Variants in FYB1 observed in about 807,000 individuals in gnomAD.
The protein encoded by FYB1 is FYN binding protein 1.
A neutral mutation model predicts 94.1 loss-of-function variants in FYB1; 41 were observed. The observed-to-expected ratio is 0.44, with a 90% CI of 0.34 to 0.57. The LOEUF is 0.57. Among genes scored for constraint, FYB1 ranks in the 20% least tolerant of loss-of-function variants. The probability of loss-of-function intolerance (pLI) is 0.02; values close to 1 mark genes in which losing one functional copy is unlikely to be tolerated. For missense variants in FYB1, 1,050 were observed against 976.8 expected (o/e 1.07, Z -1.00); for synonymous variants, 367 against 353.2 (o/e 1.04, Z -0.44).
In FYB1 at chr5:39,154,398, G is replaced by T. The variant is rs191577285; in HGVS notation, c.1136-794C>A. Among the ~76,000 whole-genome samples, 3 of 152,060 alleles carry T rather than the reference G, an allele frequency of 2.0e-5. No individual in the cohort carries two copies. In the East Asian group the frequency reaches 5.8e-4, roughly 29 times the overall value. Reference sequence around the variant, plus strand: ...ATTTTAATTTCTTTCTCATTTTGGGGTGATTTTCTGAGAGGAAAAGAGGAT... The same window carrying T: ...ATTTTAATTTCTTTCTCATTTTGGGTTGATTTTCTGAGAGGAAAAGAGGAT... On this transcript the variant is annotated intron_variant, in intron 2 of 18. Coordinates refer to ENST00000512982, the MANE Select transcript of FYB1 (RefSeq NM_001465.6).
intron 1 of FYB1, among the ~76,000 whole-genome samples, chr5:39,210,338 A>G (rs1301986454): frequency 2.0e-5 from 3 of 152,238 alleles, no homozygotes; most frequent in Non-Finnish European, 2.9e-5. Context: ...CACCACAGAT[A>G]TCGCTGTGCA....
chr5:39,213,225 A>T (rs1285318292), intron 1 of FYB1, among the ~76,000 whole-genome samples: 1 of 152,154 alleles, frequency 6.6e-6, no homozygotes, highest in Non-Finnish European at 1.5e-5. Flanking sequence ...AAACTGAGTC[A>T]CCTAAGCTTT....
intron 2 of FYB1, among the ~76,000 whole-genome samples, chr5:39,192,742 T>C (rs1353444430): frequency 2.0e-5 from 3 of 152,200 alleles, no homozygotes; most frequent in Admixed American, 1.3e-4. Flanking sequence ...GTATGGACTA[T>C]TGTTGAGCTA....
chr5:39,233,784 TG>T (rs1750846928), intron 1 of FYB1, among the ~76,000 whole-genome samples: 1 of 152,072 alleles, frequency 6.6e-6, no homozygotes, highest in South Asian at 2.1e-4. Context: ...CATACAGACA[TG>T]TAGTTGGAAA....
chr5:39,249,433 T>C (rs574786828), intron 1 of FYB1, among the ~76,000 whole-genome samples: 5 of 152,218 alleles, frequency 3.3e-5, no homozygotes, highest in Non-Finnish European at 7.3e-5. Context: ...TAACACATTC[T>C]TTGTAAAAAC....
intron 9 of FYB1, among the ~76,000 whole-genome samples, chr5:39,132,876 T>C (rs1468265307): frequency 1.3e-5 from 2 of 152,216 alleles, no homozygotes; most frequent in African/African-American, 4.8e-5. Context: ...AGTTACAGAA[T>C]GTGACGATTT....
At chr5:39,215,331 T>C (rs1749764669) in intron 1 of FYB1, among the ~76,000 whole-genome samples, 1 of 152,192 alleles carries the variant, frequency 6.6e-6, no homozygotes, top group African/African-American at 2.4e-5. Flanking sequence ...TTGAGAAATA[T>C]AAACACAACT....
rs756052499 is a variant in FYB1 at position 39,202,218 on chromosome 5, T to A, written c.743A>T (p.Lys248Ile). 9.3e-6 allele frequency: 15 copies of A among 1,613,884 alleles called. No individual in the cohort carries two copies. The East Asian group carries it at 3.3e-4, about 36-fold the overall frequency. The change falls in exon 2 of 19, where the codon AAA (lysine) becomes ATA (isoleucine). Residue 248 changes from lysine (K) to isoleucine (I), a missense_variant. Lys to Ile is a moderately radical substitution (Grantham distance 102). Transcript: ENST00000512982. ...ACTTGAAATCTCCCCTGCATGGTCT[T>A]TATTTTCTGAGTCTTCCCTTGCTGG... ...LKPAREDSEN[K>I]DHAGEISSLP...
chr5:39,259,473 C>T (rs561650133), intron 1 of FYB1, among the ~76,000 whole-genome samples: 1 of 152,280 alleles, frequency 6.6e-6, no homozygotes, highest in South Asian at 2.1e-4. Context: ...CAGGTAAGTA[C>T]AGCATGAGAG....
At chr5:39,212,144 A>G (rs1456434286) in intron 1 of FYB1, among the ~76,000 whole-genome samples, 5 of 152,022 alleles carry the variant, frequency 3.3e-5, no homozygotes, top group Admixed American at 1.3e-4. Flanking sequence ...CATTTCTACA[A>G]AAGAATATGC....
At chr5:39,147,452 C>CTGTGTGTG (rs71606520) in intron 3 of FYB1, among the ~76,000 whole-genome samples, 2,916 of 144,554 alleles carry the variant, frequency 0.02, 49 homozygotes, top group Middle Eastern at 0.054. Context: ...GTACATATGC[C>CTGTGTGTG]TGTGTGTGTG....
intron 1 of FYB1, among the ~76,000 whole-genome samples, chr5:39,251,410 A>T (rs951241409): frequency 3.9e-5 from 6 of 152,240 alleles, no homozygotes; most frequent in Non-Finnish European, 7.4e-5. Flanking sequence ...ACTCAGTTAG[A>T]GGGGAATCAT....
chr5:39,190,477 A>C (rs1747256204), intron 2 of FYB1, among the ~76,000 whole-genome samples: 1 of 152,136 alleles, frequency 6.6e-6, no homozygotes, highest in South Asian at 2.1e-4. Context: ...TGGTAGGTAC[A>C]GACCTAGTGG....
intron 14 of FYB1, among the ~76,000 whole-genome samples, chr5:39,122,112 G>A (rs1299373460): frequency 6.6e-6 from 1 of 151,972 alleles, no homozygotes; most frequent in Admixed American, 6.6e-5. Context: ...GAGAATGAGG[G>A]GAGGAAGGGG....
rs555717248 is a variant in FYB1, at chr5:39,265,148, C to T, written c.-28+9255G>A. Among the ~76,000 whole-genome samples the T allele has an allele frequency of 1.0e-3, 153 of 151,848 alleles. 3 individuals are homozygous for T. Among genetic ancestry groups the T allele is most frequent in the African/African-American group, 3.5e-3 (145 of 41,380 alleles). ...GTCAGGAGTTCAAGACCAGCCTGGC[C>T]AACATGGAGAAACCCCATCTCTACC... On this transcript the variant is annotated intron_variant, in intron 1 of 1. Coordinates refer to the FYB1 transcript ENST00000510188.
At chr5:39,259,153 C>T (rs1351532100) in intron 1 of FYB1, among the ~76,000 whole-genome samples, 5 of 152,176 alleles carry the variant, frequency 3.3e-5, no homozygotes, top group African/African-American at 9.7e-5. Context: ...GGTGCTACTG[C>T]TGTCTAGTTG....
rs143892508 is a variant in FYB1 at position 39,225,927 on chromosome 5, A to G, written c.-27-22940T>C. On this transcript the variant is annotated intron_variant, in intron 1 of 1. Coordinates refer to the FYB1 transcript ENST00000510188. ...GTGTTAACAAGTTCCTTTGCTCAGC[A>G]TGCAAGTGTGCACCAAGCCCACAGT... 1.5e-3 allele frequency among the ~76,000 whole-genome samples: 221 copies of G among 152,312 alleles called. 1 individual carries two copies. In the East Asian group the frequency reaches 0.018, roughly 13 times the overall value.
intron 2 of FYB1, among the ~76,000 whole-genome samples, chr5:39,187,180 AC>A (rs3214709): frequency 0.025 from 3,834 of 152,284 alleles, 104 homozygotes; most frequent in East Asian, 0.11. Context: ...CTTTCAGCTT[AC>A]AAAAATACTG....
intron 3 of FYB1, among the ~76,000 whole-genome samples, chr5:39,148,158 TA>T (rs1742883491): frequency 1.9e-3 from 10 of 5,190 alleles, no homozygotes; most frequent in East Asian, 0.012. Flanking sequence ...GTATTTTTTA[TA>T]TATATATATA....
Sources: gnomAD v4.1 joint callset for allele counts (sites outside exome capture counted in the v4.1 genomes callset) on GRCh38, gnomAD v4.1.1 for gene constraint, MANE v1.5 for transcripts, NCBI Gene and HGNC (gene_info 2026-07-23, HGNC 2026-07-21) for gene names.